RFTN2: variants seen among roughly 807,000 people sequenced by gnomAD.
RFTN2 encodes the protein raftlin-2.
RFTN2 carries 34 observed loss-of-function variants against 52.7 expected under a neutral mutation model. The ratio of observed to expected loss-of-function variants is 0.64; its 90% confidence interval spans 0.49 to 0.86. RFTN2 has a LOEUF of 0.86. Among genes scored for constraint, RFTN2 ranks in the 40% least tolerant of loss-of-function variants. RFTN2 has a pLI of 0.00. For synonymous variants in RFTN2, 203 were observed against 217.7 expected (o/e 0.93, Z 0.59); for missense variants, 536 against 600.1 (o/e 0.89, Z 1.12).
intron 7 of RFTN2, among the ~76,000 whole-genome samples, chr2:197,600,612 A>G (rs748499836): frequency 5.9e-5 from 9 of 152,054 alleles, no homozygotes; most frequent in Non-Finnish European, 7.3e-5. Flanking sequence ...AGATAATTCT[A>G]TTTACAGAAT....
intron 5 of RFTN2, among the ~76,000 whole-genome samples, chr2:197,622,468 G>A (rs2088281238): frequency 6.6e-6 from 1 of 152,048 alleles, no homozygotes; most frequent in African/African-American, 2.4e-5. Context: ...ACCAAACCCA[G>A]CTAATTTTTG....
intron 7 of RFTN2, among the ~76,000 whole-genome samples, chr2:197,612,341 A>G (rs2088077045): frequency 6.6e-6 from 1 of 152,160 alleles, no homozygotes; most frequent in African/African-American, 2.4e-5. Context: ...CTGAAAGTGC[A>G]TAAAAATTGC....
intron 3 of RFTN2, among the ~76,000 whole-genome samples, chr2:197,635,763 T>A (rs1448973320): frequency 6.8e-6 from 1 of 147,210 alleles, no homozygotes; most frequent in Non-Finnish European, 1.5e-5. Context: ...TTGTCAATTT[T>A]GTCTTTTGTT....
intron 2 of RFTN2, among the ~76,000 whole-genome samples, chr2:197,645,711 T>C (rs1202839054): frequency 1.3e-5 from 2 of 152,182 alleles, no homozygotes; most frequent in African/African-American, 4.8e-5. Flanking sequence ...CTTGTCATAG[T>C]AGGTCTTTCT....
chr2:197,668,317 G>A (rs1158173950), intron 1 of RFTN2, among the ~76,000 whole-genome samples: 2 of 152,146 alleles, frequency 1.3e-5, no homozygotes, highest in Admixed American at 6.5e-5. Flanking sequence ...ACCAGTCATG[G>A]TAGGCAGGAG....
At chr2:197,591,475 G>A (rs2087712236) in intron 8 of RFTN2, among the ~76,000 whole-genome samples, 2 of 152,320 alleles carry the variant, frequency 1.3e-5, no homozygotes, top group Non-Finnish European at 2.9e-5. Context: ...CCAGACTCAG[G>A]AGCTCAGCTG....
chr2:197,597,027 C>T (rs1358531530), intron 7 of RFTN2, among the ~76,000 whole-genome samples: 1 of 152,140 alleles, frequency 6.6e-6, no homozygotes, highest in Non-Finnish European at 1.5e-5. Context: ...AAAACCCCAA[C>T]AAAACCTTAC....
chr2:197,625,728 C>A (rs1407676271), intron 5 of RFTN2, among the ~76,000 whole-genome samples: 1 of 139,184 alleles, frequency 7.2e-6, no homozygotes, highest in Non-Finnish European at 1.6e-5. Flanking sequence ...CCTCCCCTCC[C>A]TTCCCCTCCC....
chr2:197,666,123 C>T (rs2089054102), intron 1 of RFTN2, among the ~76,000 whole-genome samples: 1 of 151,318 alleles, frequency 6.6e-6, no homozygotes. Context: ...CTCACTTTGT[C>T]ACCCAGGCTG....
chr2:197,609,222 T>A, intron 7 of RFTN2, among the ~76,000 whole-genome samples: 1 of 152,204 alleles, frequency 6.6e-6, no homozygotes, highest in East Asian at 1.9e-4. Flanking sequence ...GTCTTCCACA[T>A]GGTTGAACTA....
At chr2:197,639,578 T>G (rs1177062559) in intron 3 of RFTN2, among the ~76,000 whole-genome samples, 30 of 128,404 alleles carry the variant, frequency 2.3e-4, no homozygotes, top group Non-Finnish European at 3.1e-4. Flanking sequence ...CGAGCCTTGG[T>G]TTTCAGCTCC....
chr2:197,625,961 G>C (rs2088353363), intron 5 of RFTN2, among the ~76,000 whole-genome samples: 1 of 151,772 alleles, frequency 6.6e-6, no homozygotes, highest in Non-Finnish European at 1.5e-5. Context: ...GCTAATTTTT[G>C]CATTTCTAAT....
chr2:197,635,267 G>A (rs2088546381), intron 3 of RFTN2, among the ~76,000 whole-genome samples: 2 of 152,110 alleles, frequency 1.3e-5, no homozygotes, highest in East Asian at 3.8e-4. Context: ...TGGGATGGCT[G>A]GGTCAAATGG....
chr2:197,665,833 G>C (rs1217775032), intron 1 of RFTN2, among the ~76,000 whole-genome samples: 1 of 151,914 alleles, frequency 6.6e-6, no homozygotes, highest in Non-Finnish European at 1.5e-5. Flanking sequence ...TATGTTCTTT[G>C]TTCCTTTGTT....
chr2:197,572,832 A>G (rs974089486), intron 8 of RFTN2, among the ~76,000 whole-genome samples: 5 of 152,114 alleles, frequency 3.3e-5, no homozygotes, highest in African/African-American at 1.2e-4. Flanking sequence ...GAGGTAGTCA[A>G]ATCATGGGGG....
intron 1 of RFTN2, among the ~76,000 whole-genome samples, chr2:197,674,903 T>G (rs2089195733): frequency 6.6e-6 from 1 of 152,164 alleles, no homozygotes; most frequent in South Asian, 2.1e-4. Context: ...CAGAATTGTC[T>G]TAGCAAACAC....
At chr2:197,578,514 G>A (rs751385839) in intron 8 of RFTN2, among the ~76,000 whole-genome samples, 1 of 152,076 alleles carries the variant, frequency 6.6e-6, no homozygotes, top group Non-Finnish European at 1.5e-5. Flanking sequence ...CTTAACTGAT[G>A]ACATTACCTT....
intron 7 of RFTN2, among the ~76,000 whole-genome samples, chr2:197,606,351 C>T (rs1419540032): frequency 1.3e-5 from 2 of 152,162 alleles, no homozygotes; most frequent in Admixed American, 1.3e-4. Flanking sequence ...ACAGAAAGAA[C>T]ATTCTTGTTA....
chr2:197,667,401 G>A (rs2089077315), intron 1 of RFTN2, among the ~76,000 whole-genome samples: 1 of 152,090 alleles, frequency 6.6e-6, no homozygotes, highest in South Asian at 2.1e-4. Context: ...AGCTTCCTTA[G>A]AGTTAATAAT....
Sources: gnomAD v4.1 joint callset for allele counts (sites outside exome capture counted in the v4.1 genomes callset) on GRCh38, gnomAD v4.1.1 for gene constraint, MANE v1.5 for transcripts, NCBI Gene and HGNC (gene_info 2026-07-23, HGNC 2026-07-21) for gene names.